TCERG1L: variants seen among roughly 807,000 people sequenced by gnomAD.
TCERG1L encodes the protein transcription elongation regulator 1-like protein.
A neutral mutation model predicts 56.3 loss-of-function variants in TCERG1L; 37 were observed. The observed-to-expected ratio is 0.66, with a 90% CI of 0.51 to 0.87. TCERG1L has a LOEUF of 0.87. Ranked by LOEUF, TCERG1L falls within the 40% of genes least tolerant of loss-of-function variation. TCERG1L has a pLI of 0.00. For missense variants in TCERG1L, 799 were observed against 774.2 expected (o/e 1.03, Z -0.38); for synonymous variants, 324 against 326.3 (o/e 0.99, Z 0.08).
At chr10:131,240,193 T>C (rs1025270238) in intron 4 of TCERG1L, among the ~76,000 whole-genome samples, 1 of 152,160 alleles carries the variant, frequency 6.6e-6, no homozygotes, top group Non-Finnish European at 1.5e-5. Context: ...ATGTTGTCCT[T>C]TTCATGCCCA....
At chr10:131,253,974 C>T (rs942886851) in intron 4 of TCERG1L, among the ~76,000 whole-genome samples, 27 of 142,542 alleles carry the variant, frequency 1.9e-4, no homozygotes, top group African/African-American at 6.4e-4. Flanking sequence ...GCAAACGCAA[C>T]AGTGAGGAGA....
chr10:131,240,980 C>G (rs1845965471), intron 4 of TCERG1L, among the ~76,000 whole-genome samples: 1 of 152,232 alleles, frequency 6.6e-6, no homozygotes, highest in African/African-American at 2.4e-5. Flanking sequence ...AGCTCCCAGG[C>G]CTCCTCCTTC....
chr10:131,116,876 T>G lies in TCERG1L; in HGVS notation c.1318A>C (p.Arg440=). The G allele has an allele frequency of 2.5e-6, 4 of 1,599,354 alleles. No individual in the cohort carries two copies. The highest frequency in any genetic ancestry group is 2.6e-6 in the Non-Finnish European group (3 of 1,173,496). Residue 440 remains arginine, a synonymous_variant, in exon 9 of 12, where the codon AGG becomes CGG. Coordinates refer to ENST00000368642, the MANE Select transcript of TCERG1L (RefSeq NM_174937.4). ...AGGAGGATCTGCGGGGGCGGCGTCC[T>G]TGTGCCTTTGTCCTCTCTCTTTGCC... ...EEAKREDKGT[R]TPPPQILLPL...
chr10:131,258,929 T>C (rs1846204353), intron 4 of TCERG1L, among the ~76,000 whole-genome samples: 2 of 152,328 alleles, frequency 1.3e-5, no homozygotes, highest in South Asian at 2.1e-4. Flanking sequence ...TACATGTCAA[T>C]GTACTAGTAG....
chr10:131,283,613 T>A (rs537701374), intron 3 of TCERG1L, among the ~76,000 whole-genome samples: 4 of 152,258 alleles, frequency 2.6e-5, no homozygotes, highest in Non-Finnish European at 4.4e-5. Context: ...TAATTGTATA[T>A]GAAATGTTTT....
intron 6 of TCERG1L, among the ~76,000 whole-genome samples, chr10:131,154,240 T>G (rs112255875): frequency 2.8e-3 from 429 of 152,212 alleles, no homozygotes; most frequent in African/African-American, 9.9e-3. Context: ...TATAGGAAGG[T>G]CTGGGTTTCA....
intron 6 of TCERG1L, among the ~76,000 whole-genome samples, chr10:131,147,769 G>A (rs1031080711): frequency 2.0e-5 from 3 of 152,232 alleles, no homozygotes; most frequent in Non-Finnish European, 2.9e-5. Context: ...GGAGGCCCCC[G>A]ACCTGTTGGG....
chr10:131,130,894 C>A (rs1845611283), intron 8 of TCERG1L, among the ~76,000 whole-genome samples: 1 of 152,054 alleles, frequency 6.6e-6, no homozygotes, highest in South Asian at 2.1e-4. Context: ...TGCATCCCTG[C>A]AGGGACGGGC....
chr10:131,144,261 TCAAA>T (rs1031883782), intron 7 of TCERG1L, among the ~76,000 whole-genome samples: 1 of 152,142 alleles, frequency 6.6e-6, no homozygotes, highest in African/African-American at 2.4e-5. Flanking sequence ...TGACTAATAG[TCAAA>T]CAAAATGTGA....
Position 131,209,022 on chromosome 10 carries a change from C to T in TCERG1L, c.857-42137G>A, listed in dbSNP as rs1346381277. On this transcript the variant is annotated intron_variant, in intron 4 of 11. Transcript: ENST00000368642. ...GCAGTGAGCTGAGATTGCACCACTGCACTCCAGCCTGGGTGACAGAGCGAG... is the reference window on the plus strand; with the variant it reads ...GCAGTGAGCTGAGATTGCACCACTGTACTCCAGCCTGGGTGACAGAGCGAG... 4.0e-5 allele frequency among the ~76,000 whole-genome samples: 6 copies of T among 148,580 alleles called. No homozygotes were observed. In the South Asian group the frequency reaches 6.5e-4, roughly 16 times the overall value.
chr10:131,250,468 C>T (rs911978153), intron 4 of TCERG1L, among the ~76,000 whole-genome samples: 3 of 109,858 alleles, frequency 2.7e-5, no homozygotes, highest in Non-Finnish European at 5.5e-5. Context: ...TCAATAGCAT[C>T]AGACCCTCCA....
At chr10:131,294,837 C>CT (rs796613613) in intron 3 of TCERG1L, among the ~76,000 whole-genome samples, 2,439 of 145,842 alleles carry the variant, frequency 0.017, 69 homozygotes, top group African/African-American at 0.056. Context: ...TCTTTTAAGC[C>CT]TTTTTTTTTT....
At chr10:131,168,379 G>A (rs980189284) in intron 4 of TCERG1L, among the ~76,000 whole-genome samples, 23 of 152,186 alleles carry the variant, frequency 1.5e-4, no homozygotes, top group African/African-American at 5.3e-4. Flanking sequence ...CAGCTGTCAT[G>A]TCCTCCGTGG....
chr10:131,138,535 A>C (rs992355429), intron 7 of TCERG1L, among the ~76,000 whole-genome samples: 6 of 152,218 alleles, frequency 3.9e-5, no homozygotes, highest in African/African-American at 1.4e-4. Context: ...ACTCAAAAGC[A>C]TGCAAAACCA....
intron 4 of TCERG1L, among the ~76,000 whole-genome samples, chr10:131,215,993 A>G (rs1424485765): frequency 6.6e-6 from 1 of 152,212 alleles, no homozygotes; most frequent in African/African-American, 2.4e-5. Context: ...CATGCTGCCC[A>G]GACTCCCCAT....
intron 3 of TCERG1L, among the ~76,000 whole-genome samples, chr10:131,297,359 A>G (rs1223751290): frequency 6.6e-6 from 1 of 152,212 alleles, no homozygotes; most frequent in Non-Finnish European, 1.5e-5. Context: ...CTTTTGATAA[A>G]CAGCATTGAT....
chr10:131,093,420 C>A, intron 11 of TCERG1L, 102 bp from the exon 12 acceptor site: 1 of 1,410,000 alleles, frequency 7.1e-7, no homozygotes, highest in Non-Finnish European at 9.6e-7. Context: ...AGCCCTTCCA[C>A]CAGGCCTGGC....
intron 7 of TCERG1L, among the ~76,000 whole-genome samples, chr10:131,141,556 A>G (rs1191367765): frequency 6.6e-6 from 1 of 152,080 alleles, no homozygotes; most frequent in Non-Finnish European, 1.5e-5. Flanking sequence ...CAGTCCCTAA[A>G]TAAAGGATTG....
chr10:131,107,408 G>A (rs1187328116), intron 9 of TCERG1L, among the ~76,000 whole-genome samples: 1 of 152,166 alleles, frequency 6.6e-6, no homozygotes, highest in South Asian at 2.1e-4. Context: ...GGTCAGATAA[G>A]CCATCTCTAC....
Sources: gnomAD v4.1 joint callset for allele counts (sites outside exome capture counted in the v4.1 genomes callset) on GRCh38, gnomAD v4.1.1 for gene constraint, MANE v1.5 for transcripts, NCBI Gene and HGNC (gene_info 2026-07-23, HGNC 2026-07-21) for gene names.